P2RY8: variants seen among roughly 807,000 people sequenced by gnomAD.
P2RY8 encodes S-geranylgeranyl-glutathione receptor P2RY8.
Under a neutral mutation model 10.0 loss-of-function variants are expected in P2RY8, and 6 were observed. That is an observed-to-expected ratio of 0.60 (90% CI 0.33 to 1.19). P2RY8 has a LOEUF of 1.19. Among genes scored for constraint, P2RY8 ranks in the 50% most tolerant of loss-of-function variants. The probability of loss-of-function intolerance (pLI) is 0.04; values close to 1 mark genes in which losing one functional copy is unlikely to be tolerated. For synonymous variants in P2RY8, 276 were observed against 252.5 expected (o/e 1.09, Z -0.88); for missense variants, 456 against 542.0 (o/e 0.84, Z 1.58).
intron 1 of P2RY8, among the ~76,000 whole-genome samples, chrX:1,480,023 C>G (rs1469132187): frequency 6.6e-6 from 1 of 152,136 alleles, no homozygotes; most frequent in African/African-American, 2.4e-5. Context: ...GCTCCAGGCC[C>G]AGATGGGTTT....
chrX:1,466,140 G>C lies in P2RY8; in HGVS notation c.419C>G (p.Ala140Gly), dbSNP rs1240028331. The stretch of plus-strand genomic sequence containing the variant: ...CCAGGTCCCTGCACACGCGGCCACC[G>C]CGTAACGACGGCGGCGCCAGCGCTT... ...SSKRWRRRRY[A>G]VAACAGTWLL... The change falls in exon 2 of 2, where the codon GCG (alanine) becomes GGG (glycine). Residue 140 changes from alanine to glycine, a missense_variant. By Grantham distance (60) the Ala-to-Gly change is moderately conservative (BLOSUM62 0). Transcript: ENST00000381297. 6.2e-7 allele frequency: 1 copy of C among 1,611,804 alleles called. No homozygotes were observed. Among genetic ancestry groups the C allele is most frequent in the Non-Finnish European group, 8.5e-7 (1 of 1,179,300 alleles).
intron 1 of P2RY8, among the ~76,000 whole-genome samples, chrX:1,506,184 G>T (rs1204891302): frequency 6.6e-6 from 1 of 151,650 alleles, no homozygotes; most frequent in Admixed American, 6.6e-5. Context: ...GTAGAGACGG[G>T]GTTTTGCCAT....
intron 1 of P2RY8, among the ~76,000 whole-genome samples, chrX:1,534,823 CT>C (rs1355826581): frequency 1.3e-5 from 2 of 152,124 alleles, no homozygotes; most frequent in Non-Finnish European, 2.9e-5. Flanking sequence ...TTCCCTGGAA[CT>C]TTAAGGGACA....
At chrX:1,529,743 A>G (rs1482724435) in intron 1 of P2RY8, among the ~76,000 whole-genome samples, 1 of 151,968 alleles carries the variant, frequency 6.6e-6, no homozygotes, top group African/African-American at 2.4e-5. Flanking sequence ...ACCTATATCT[A>G]TTTATTTATT....
chrX:1,470,193 T>C (rs1199659463), intron 1 of P2RY8, among the ~76,000 whole-genome samples: 1 of 133,800 alleles, frequency 7.5e-6, no homozygotes, highest in East Asian at 2.1e-4. Context: ...ATCCTGTTGT[T>C]ACTAAAATTA....
In P2RY8 at chrX:1,462,934, G is replaced by A. The variant is rs2091604858; in HGVS notation, c.*2545C>T. 4.3e-6 allele frequency: 1 copy of A among 232,840 alleles called. No homozygotes were observed. Among genetic ancestry groups the A allele is most frequent in the East Asian group, 6.0e-5 (1 of 16,572 alleles). 14.4% of individuals were successfully genotyped at this position (232,840 alleles called of 1,614,324 possible). On this transcript the variant is annotated 3_prime_UTR_variant, in exon 2 of 2. Coordinates refer to ENST00000381297, the MANE Select transcript of P2RY8 (RefSeq NM_178129.5). ...TCCACGGCTGTAAGAGGGGGTGTCGGCTGCTCTCCATAGCCAAGTGGCTGC... is the reference window on the plus strand; with the variant it reads ...TCCACGGCTGTAAGAGGGGGTGTCGACTGCTCTCCATAGCCAAGTGGCTGC...
At chrX:1,474,040 T>A (rs1305120746) in intron 1 of P2RY8, among the ~76,000 whole-genome samples, 2 of 149,398 alleles carry the variant, frequency 1.3e-5, no homozygotes, top group Non-Finnish European at 3.0e-5. Flanking sequence ...GATGGGTGGA[T>A]GAATGGTAGG....
At chrX:1,528,984 G>T (rs2092457033) in intron 1 of P2RY8, among the ~76,000 whole-genome samples, 1 of 152,188 alleles carries the variant, frequency 6.6e-6, no homozygotes, top group Admixed American at 6.5e-5. Context: ...TTTGTTGCAT[G>T]GGACAGTATA....
chrX:1,484,706 T>G (rs747143787), intron 1 of P2RY8, among the ~76,000 whole-genome samples: 2 of 106,710 alleles, frequency 1.9e-5, no homozygotes, highest in African/African-American at 3.7e-5. Context: ...CCAGCCTGCG[T>G]GACAGAGCAA....
chrX:1,467,080 C>A (rs1324983896), intron 1 of P2RY8, among the ~76,000 whole-genome samples: 1 of 152,034 alleles, frequency 6.6e-6, no homozygotes, highest in Non-Finnish European at 1.5e-5. Context: ...CCACCGTCAG[C>A]CCCCAGGGTG....
At chrX:1,511,882 G>A (rs1324709477) in intron 1 of P2RY8, among the ~76,000 whole-genome samples, 5 of 152,094 alleles carry the variant, frequency 3.3e-5, no homozygotes, top group African/African-American at 7.2e-5. Context: ...GAGTCCTCTC[G>A]TCTGTCCCAC....
intron 1 of P2RY8, among the ~76,000 whole-genome samples, chrX:1,488,194 A>AGGG (rs1290503811): frequency 6.6e-6 from 1 of 152,020 alleles, no homozygotes. Flanking sequence ...GGAGCCCCTC[A>AGGG]GCCTGCCTGA....
In P2RY8 at chrX:1,464,984, C is replaced by T. The variant is rs1465710158; in HGVS notation, c.*495G>A. 8.2e-6 allele frequency: 2 copies of T among 244,242 alleles called. No individual in the cohort carries two copies. The highest frequency in any genetic ancestry group is 1.6e-5 in the Non-Finnish European group (2 of 124,914). 15.1% of individuals were successfully genotyped at this position (244,242 alleles called of 1,614,324 possible). A position where few individuals can be genotyped will look rare whatever the true frequency, so the allele number is the denominator to read the frequency against. On this transcript the variant is annotated 3_prime_UTR_variant, in exon 2 of 2. Coordinates refer to ENST00000381297, the MANE Select transcript of P2RY8 (RefSeq NM_178129.5). The stretch of plus-strand genomic sequence containing the variant: ...GAAGGCCAGAACCACAACTAAGGGA[C>T]GATGTCAGCAGGGAGAAGAGCTGGG...
intron 1 of P2RY8, among the ~76,000 whole-genome samples, chrX:1,512,039 T>C (rs2092301068): frequency 6.6e-6 from 1 of 151,996 alleles, no homozygotes; most frequent in Admixed American, 6.6e-5. Context: ...TCACACCAGA[T>C]ATGTAAGCAA....
rs1237849910 is a variant in P2RY8, at chrX:1,485,753, G to T, written c.-24-19171C>A. 2.7e-5 allele frequency among the ~76,000 whole-genome samples: 4 copies of T among 147,712 alleles called. No individual in the cohort carries two copies. In the South Asian group the frequency reaches 8.4e-4, roughly 31 times the overall value. ...ATAATTATATACGATATATTGTATA[G>T]TATCATTTATATGTTATATATAATT... On this transcript the variant is annotated intron_variant, in intron 1 of 1. Coordinates refer to ENST00000381297, the MANE Select transcript of P2RY8 (RefSeq NM_178129.5).
In P2RY8 at chrX:1,465,710, G is replaced by A; in HGVS notation, c.849C>T (p.Cys283=). 2 of 1,613,634 alleles carry A rather than the reference G, an allele frequency of 1.2e-6. No homozygotes were observed. The highest frequency in any genetic ancestry group is 2.7e-5 in the African/African-American group (2 of 74,934). ...HVYKLTLCLS[C]LNNCLDPFVY... ...CAAACGGGTCCAGACAGTTGTTGAG[G>A]CAGCTGAGACACAGCGTGAGCTTGT... is the stretch of plus-strand genomic sequence containing the variant. Residue 283 remains cysteine, a synonymous_variant, in exon 2 of 2, where the codon TGC becomes TGT. Coordinates refer to ENST00000381297, the MANE Select transcript of P2RY8 (RefSeq NM_178129.5).
chrX:1,511,664 C>G lies in P2RY8; in HGVS notation c.-25+25257G>C, dbSNP rs778619947. 2.6e-5 allele frequency among the ~76,000 whole-genome samples: 4 copies of G among 152,336 alleles called. No individual in the cohort carries two copies. The South Asian group carries it at 6.2e-4, about 24-fold the overall frequency. ...CCTCCCAAAGCACTGGGGTGAAAGA[C>G]AGGAGCCACCTTGCCCAACCAATCT... is the stretch of plus-strand genomic sequence containing the variant. On this transcript the variant is annotated intron_variant, in intron 1 of 1. Coordinates refer to ENST00000381297, the MANE Select transcript of P2RY8 (RefSeq NM_178129.5).
rs777466128 is a variant in P2RY8 at position 1,496,783 on chromosome X, C to T, written c.-24-30201G>A. On this transcript the variant is annotated intron_variant, in intron 1 of 1. Coordinates refer to ENST00000381297, the MANE Select transcript of P2RY8 (RefSeq NM_178129.5). ...CGCGATGTCGGCTCCCTGCAACCTC[C>T]GCCTCCCTGGTTCAAGCAATTCTCC... Among the ~76,000 whole-genome samples the T allele has an allele frequency of 2.9e-5, 3 of 103,614 alleles. 1 individual carries two copies. Among genetic ancestry groups the T allele is most frequent in the African/African-American group, 1.3e-4 (3 of 22,294 alleles). 68.0% of individuals were successfully genotyped at this position (103,614 alleles called of 152,430 possible).
At chrX:1,514,103 T>G (rs2092320666) in intron 1 of P2RY8, among the ~76,000 whole-genome samples, 1 of 152,172 alleles carries the variant, frequency 6.6e-6, no homozygotes, top group African/African-American at 2.4e-5. Flanking sequence ...TTCCTTTAAT[T>G]GTCCCACTTT....
Sources: gnomAD v4.1 joint callset for allele counts (sites outside exome capture counted in the v4.1 genomes callset) on GRCh38, gnomAD v4.1.1 for gene constraint, MANE v1.5 for transcripts, NCBI Gene and HGNC (gene_info 2026-07-23, HGNC 2026-07-21) for gene names.